SCN3A: variants seen among roughly 807,000 people sequenced by gnomAD.
SCN3A encodes sodium voltage-gated channel alpha subunit 3.
Under a neutral mutation model 187.6 loss-of-function variants are expected in SCN3A, and 60 were observed. The observed-to-expected ratio is 0.32, with a 90% CI of 0.26 to 0.40. The LOEUF (loss-of-function observed/expected upper bound fraction) is 0.40, where lower values mean the gene tolerates loss of function less well. SCN3A is among the 10% of genes least tolerant of loss of function. SCN3A has a pLI of 1.00. For missense variants in SCN3A, 1,601 were observed against 2,428.2 expected, an observed-to-expected ratio of 0.66 and a Z score of 7.16; for synonymous variants, 788 against 829.2, an observed-to-expected ratio of 0.95 and a Z score of 0.85.
intron 2 of SCN3A, among the ~76,000 whole-genome samples, chr2:165,186,306 A>C (rs2105953913): frequency 6.6e-6 from 1 of 152,096 alleles, no homozygotes. Flanking sequence ...ACAAAAACAA[A>C]AAAAAAACTG....
In SCN3A at chr2:165,113,850, A is replaced by G. The variant is rs1686231075; in HGVS notation, c.3635T>C (p.Ile1212Thr). ...ACTACTGAGAAGGATCATGAACACAATGAAAGTCTCAAACCAGTTGTGCTC... is the reference window on the plus strand; with the variant it reads ...ACTACTGAGAAGGATCATGAACACAGTGAAAGTCTCAAACCAGTTGTGCTC... ...IVEHNWFETF[I>T]VFMILLSSGA... The change falls in exon 20 of 28, where the codon ATT (isoleucine) becomes ACT (threonine). Residue 1212 changes from isoleucine to threonine, a missense_variant. Ile to Thr is a moderately conservative substitution (Grantham distance 89). This residue lies in a region of SCN3A where 267 missense variants were observed against 313.2 expected (regional missense o/e 0.85). Transcript: ENST00000283254. 6.2e-7 allele frequency: 1 copy of G among 1,614,046 alleles called. No individual in the cohort carries two copies. Among genetic ancestry groups the G allele is most frequent in the Non-Finnish European group, 8.5e-7 (1 of 1,179,934 alleles).
intron 5 of SCN3A, among the ~76,000 whole-genome samples, chr2:165,168,322 A>G (rs1203238380): frequency 6.6e-6 from 1 of 152,096 alleles, no homozygotes; most frequent in Non-Finnish European, 1.5e-5. Flanking sequence ...TAAGACATCT[A>G]CTTAATTTAG....
chr2:165,090,308 G>A lies in SCN3A; in HGVS notation c.5845C>T (p.Leu1949=), dbSNP rs374177945. The A allele has an allele frequency of 9.3e-6, 15 of 1,613,260 alleles. No individual in the cohort carries two copies. The highest frequency in any genetic ancestry group is 1.3e-5 in the African/African-American group (1 of 74,876). ...PIKQDMIIDK[L]NGNSTPEKTD... ...TTTTCTGGAGTGGAGTTCCCATTTA[G>A]TTTGTCAATAATCATGTCTTGTTTT... Residue 1949 remains leucine (L), a synonymous_variant, in exon 28 of 28, where the codon CTA becomes TTA. Coordinates refer to ENST00000283254, the MANE Select transcript of SCN3A (RefSeq NM_006922.4). The surrounding 1 kb of genome is among the most constrained non-coding windows in gnomAD (Gnocchi z 4.0).
At chr2:165,149,731 T>C (rs1238107594) in intron 11 of SCN3A, among the ~76,000 whole-genome samples, 3 of 152,228 alleles carry the variant, frequency 2.0e-5, no homozygotes, top group African/African-American at 7.2e-5. Flanking sequence ...ATGTCCTGCG[T>C]ATGAGAATAA....
chr2:165,152,498 G>A (rs1034953394), intron 11 of SCN3A, among the ~76,000 whole-genome samples: 5 of 152,158 alleles, frequency 3.3e-5, no homozygotes, highest in African/African-American at 1.2e-4. Flanking sequence ...CTCATATAGA[G>A]TCTTTGCTAT....
chr2:165,143,993 CAT>C (rs1491537318), intron 12 of SCN3A, among the ~76,000 whole-genome samples: 3 of 152,114 alleles, frequency 2.0e-5, no homozygotes, highest in South Asian at 4.2e-4. Context: ...GTACAACTAA[CAT>C]TATCTGTTTA....
chr2:165,115,372 A>C (rs1686316488), intron 19 of SCN3A, 83 bp downstream of exon 19: 9 of 1,579,482 alleles, frequency 5.7e-6, no homozygotes, highest in Non-Finnish European at 7.8e-6. Flanking sequence ...TCGTTTCATA[A>C]ATTTTTTTTT....
chr2:165,196,760 G>A (rs763691207), intron 1 of SCN3A, among the ~76,000 whole-genome samples: 8 of 152,120 alleles, frequency 5.3e-5, no homozygotes, highest in Non-Finnish European at 8.8e-5. Context: ...TAAAAAATAT[G>A]TTCGTTTACA....
chr2:165,168,609 C>A, intron 5 of SCN3A, 127 bp downstream of exon 5: 1 of 745,672 alleles, frequency 1.3e-6, no homozygotes, highest in Non-Finnish European at 2.4e-6. Flanking sequence ...CCCTTATCTT[C>A]TTTCATATTA....
At chr2:165,134,590 A>G (rs1687554300) in intron 15 of SCN3A, among the ~76,000 whole-genome samples, 1 of 152,174 alleles carries the variant, frequency 6.6e-6, no homozygotes, top group East Asian at 1.9e-4. Context: ...ATGTATTTTA[A>G]GCAAGCCTAG....
At chr2:165,133,011 GC>G (rs1224980788) in intron 15 of SCN3A, among the ~76,000 whole-genome samples, 2 of 152,152 alleles carry the variant, frequency 1.3e-5, no homozygotes, top group Non-Finnish European at 2.9e-5. Context: ...CATTTATGCA[GC>G]CAAAAAACAC....
At chr2:165,166,151 T>C (rs1313578216) in intron 5 of SCN3A, among the ~76,000 whole-genome samples, 3 of 152,184 alleles carry the variant, frequency 2.0e-5, no homozygotes, top group Admixed American at 6.5e-5. Flanking sequence ...ATAGAGTTAC[T>C]AGGAATAAGA....
intron 1 of SCN3A, among the ~76,000 whole-genome samples, chr2:165,202,424 C>A (rs1362337400): frequency 6.6e-6 from 1 of 152,016 alleles, no homozygotes; most frequent in Non-Finnish European, 1.5e-5. Context: ...TGTAGAGAAG[C>A]ATGGTGTGTA....
Position 165,127,747 on chromosome 2 carries a change from A to G in SCN3A, c.3277T>C (p.Phe1093Leu), listed in dbSNP as rs1040090388. The change falls in exon 18 of 28, where the codon TTC becomes CTC. Residue 1093 changes from phenylalanine (F) to leucine (L), a missense_variant. This residue lies in a region of SCN3A where 267 missense variants were observed against 313.2 expected (regional missense o/e 0.85). Coordinates refer to ENST00000283254, the MANE Select transcript of SCN3A (RefSeq NM_006922.4). ...ACGGTGAGGCTGGGGTTGTTTATGA[A>G]TGACATATAATCATTTTCATCGATT... is the stretch of plus-strand genomic sequence containing the variant. Reference protein sequence around the residue: ...YVIDENDYMSFINNPSLTVTV... With the variant: ...YVIDENDYMSLINNPSLTVTV... 3.1e-6 allele frequency: 5 copies of G among 1,614,058 alleles called. No individual in the cohort carries two copies. In the African/African-American group the frequency reaches 4.0e-5, roughly 13 times the overall value.
At chr2:165,198,242 A>G (rs569039400) in intron 1 of SCN3A, among the ~76,000 whole-genome samples, 3 of 152,024 alleles carry the variant, frequency 2.0e-5, no homozygotes, top group Non-Finnish European at 4.4e-5. Context: ...AATATTGGGA[A>G]GAAAACTAGA....
chr2:165,123,564 T>C (rs1686815751), intron 18 of SCN3A, among the ~76,000 whole-genome samples: 1 of 152,148 alleles, frequency 6.6e-6, no homozygotes, highest in African/African-American at 2.4e-5. Flanking sequence ...AGTGCTCACT[T>C]TATTAGCAAA....
At chr2:165,145,713 A>G (rs1340541708) in intron 12 of SCN3A, among the ~76,000 whole-genome samples, 1 of 151,978 alleles carries the variant, frequency 6.6e-6, no homozygotes, top group African/African-American at 2.4e-5. Flanking sequence ...CTTTATGAAA[A>G]ATATATCATA....
chr2:165,146,597 A>G, intron 12 of SCN3A, 142 bp downstream of exon 12: 1 of 817,502 alleles, frequency 1.2e-6, no homozygotes. Context: ...ATCTATTATA[A>G]GAATTTAAAC....
At chr2:165,141,249 A>G (rs73019893) in intron 12 of SCN3A, among the ~76,000 whole-genome samples, 3,459 of 152,294 alleles carry the variant, frequency 0.023, 126 homozygotes, top group African/African-American at 0.078. Flanking sequence ...CACTTCATTT[A>G]GTCTTCACTT....
Sources: allele counts gnomAD v4.1 joint callset (sites outside exome capture counted in the v4.1 genomes callset), GRCh38; gene constraint gnomAD v4.1.1; regional missense constraint gnomAD v4.1.1; non-coding constraint Gnocchi (gnomAD v3.1); transcripts MANE v1.5; gene names NCBI Gene and HGNC (gene_info 2026-07-23, HGNC 2026-07-21).